The following NRG3 variants were observed in gnomAD, a reference collection of about 807,000 sequenced individuals.
NRG3 encodes the protein pro-neuregulin-3, membrane-bound isoform.
Under a neutral mutation model 66.9 loss-of-function variants are expected in NRG3, and 31 were observed. That is an observed-to-expected ratio of 0.46 (90% CI 0.35 to 0.63). NRG3 has a LOEUF of 0.63. Ranked by LOEUF, NRG3 falls within the 20% of genes least tolerant of loss-of-function variation. NRG3 has a pLI of 0.00. For synonymous variants in NRG3, 393 were observed against 359.4 expected (o/e 1.09, Z -1.06); for missense variants, 910 against 878.9 (o/e 1.04, Z -0.45).
chr10:82,008,142 A>T (rs1419060080), intron 1 of NRG3, among the ~76,000 whole-genome samples: 1 of 152,184 alleles, frequency 6.6e-6, no homozygotes. Context: ...CATGCATTAT[A>T]TAGAAAATTA....
intron 3 of NRG3, among the ~76,000 whole-genome samples, chr10:82,743,522 C>A (rs2058517479): frequency 6.6e-6 from 1 of 152,100 alleles, no homozygotes; most frequent in Non-Finnish European, 1.5e-5. Flanking sequence ...TGTGTTCTAG[C>A]ACCAGAGAGG....
At chr10:82,818,229 G>T (rs1390421576) in intron 3 of NRG3, among the ~76,000 whole-genome samples, 1 of 152,180 alleles carries the variant, frequency 6.6e-6, no homozygotes, top group Non-Finnish European at 1.5e-5. Flanking sequence ...AACCGTCATG[G>T]CACTGGTGGG....
At chr10:82,609,641 T>G (rs1467938633) in intron 2 of NRG3, among the ~76,000 whole-genome samples, 1 of 150,712 alleles carries the variant, frequency 6.6e-6, no homozygotes, top group African/African-American at 2.4e-5. Context: ...TTGGAAAACA[T>G]GTGTTAAACC....
chr10:81,969,424 C>A (rs988043331), intron 1 of NRG3, among the ~76,000 whole-genome samples: 4 of 152,190 alleles, frequency 2.6e-5, no homozygotes, highest in Non-Finnish European at 4.4e-5. Flanking sequence ...CTGACACAAC[C>A]ACATCTGGCT....
chr10:82,119,415 C>A (rs1483295932), intron 1 of NRG3, among the ~76,000 whole-genome samples: 1 of 152,066 alleles, frequency 6.6e-6, no homozygotes, highest in Non-Finnish European at 1.5e-5. Flanking sequence ...GTTTTATCTG[C>A]CTTGCTCATT....
chr10:81,899,816 T>C (rs1352086666), intron 1 of NRG3, among the ~76,000 whole-genome samples: 3 of 152,240 alleles, frequency 2.0e-5, no homozygotes, highest in Middle Eastern at 3.4e-3. Flanking sequence ...CTCTGATAGT[T>C]GAATGTTTGT....
chr10:82,493,325 C>T (rs941777628), intron 2 of NRG3, among the ~76,000 whole-genome samples: 4 of 152,066 alleles, frequency 2.6e-5, no homozygotes, highest in African/African-American at 9.7e-5. Context: ...GTTCCTCTCC[C>T]TGTGTCTATG....
intron 1 of NRG3, among the ~76,000 whole-genome samples, chr10:81,894,457 G>A (rs569146004): frequency 2.3e-4 from 35 of 152,300 alleles, no homozygotes; most frequent in African/African-American, 8.4e-4. Context: ...TTGGCTTGCA[G>A]ATGGCCACCT....
rs58870828 is a variant in NRG3, at chr10:82,660,196, C to CAAAAA, written c.954-78346_954-78342dup. Among the ~76,000 whole-genome samples the CAAAAA allele has an allele frequency of 8.0e-3, 156 of 19,552 alleles. 15 individuals are homozygous for CAAAAA. The highest frequency in any genetic ancestry group is 0.011 in the Non-Finnish European group (118 of 10,360). 12.8% of individuals were successfully genotyped at this position (19,552 alleles called of 152,430 possible). A position where few individuals can be genotyped will look rare whatever the true frequency, so the allele number is the denominator to read the frequency against. ...GGGCGACAAGAGCAAAACTCCCTCT[C>CAAAAA]AAAAAAAAAAAAAAAAAAAAAAAAA... On this transcript the variant is annotated intron_variant, in intron 2 of 8. Transcript: ENST00000372141.
chr10:82,398,779 C>A (rs2086891709), intron 2 of NRG3, among the ~76,000 whole-genome samples: 1 of 151,932 alleles, frequency 6.6e-6, no homozygotes, highest in Non-Finnish European at 1.5e-5. Flanking sequence ...ATGGTAGTAC[C>A]AAAAATTCCG....
At chr10:81,928,519 T>C (rs1310994618) in intron 1 of NRG3, among the ~76,000 whole-genome samples, 1 of 152,240 alleles carries the variant, frequency 6.6e-6, no homozygotes, top group Non-Finnish European at 1.5e-5. Context: ...GAGTGCTTTA[T>C]TTTAAAACAT....
At chr10:82,372,145 C>T (rs1018563241) in intron 2 of NRG3, among the ~76,000 whole-genome samples, 1 of 152,168 alleles carries the variant, frequency 6.6e-6, no homozygotes, top group African/African-American at 2.4e-5. Context: ...TTTTATTTCT[C>T]ATTTGGAAGC....
chr10:82,255,960 G>A (rs1440217572), intron 1 of NRG3, among the ~76,000 whole-genome samples: 2 of 151,766 alleles, frequency 1.3e-5, no homozygotes, highest in African/African-American at 4.8e-5. Flanking sequence ...GTCTCGCTCT[G>A]TCACCCAGGC....
intron 2 of NRG3, among the ~76,000 whole-genome samples, chr10:82,382,996 T>C (rs763306031): frequency 7.2e-5 from 11 of 152,012 alleles, no homozygotes; most frequent in Admixed American, 2.0e-4. Context: ...GCCTAATTCT[T>C]ATTAAAGCTT....
Position 82,936,464 on chromosome 10 carries a change from G to A in NRG3, c.1055-15005G>A, listed in dbSNP as rs145369610. On this transcript the variant is annotated intron_variant, in intron 4 of 8. Coordinates refer to ENST00000372141, the MANE Select transcript of NRG3 (RefSeq NM_001010848.4). ...AGGCCATAGGGTTTAGGGGGAAGAT[G>A]GGGTCGGGGAGATGTTGGTCAAATA... is the stretch of plus-strand genomic sequence containing the variant. Among the ~76,000 whole-genome samples, 16 of 152,270 alleles carry A rather than the reference G, an allele frequency of 1.1e-4. No homozygotes were observed. The East Asian group carries it at 2.9e-3, about 28-fold the overall frequency.
At chr10:81,877,922 A>C in intron 1 of NRG3, 1 of 1,537,236 alleles carries the variant, frequency 6.5e-7, no homozygotes, top group Non-Finnish European at 8.7e-7. Flanking sequence ...TGAAGACCCC[A>C]GATTTTTGAT....
chr10:82,855,173 C>T (rs990332289), intron 3 of NRG3, among the ~76,000 whole-genome samples: 2 of 151,928 alleles, frequency 1.3e-5, no homozygotes, highest in African/African-American at 2.4e-5. Context: ...AAGTGGTATT[C>T]GTCATGATGA....
intron 1 of NRG3, chr10:82,232,342 G>C (rs1260322549): frequency 6.3e-6 from 1 of 158,110 alleles, no homozygotes; most frequent in Non-Finnish European, 1.4e-5. Context: ...TTGCTTATCA[G>C]AGACTTGGAA....
chr10:82,985,352 G>C lies in NRG3; in HGVS notation c.1838G>C (p.Ser613Thr), dbSNP rs764232213. 4 of 1,614,036 alleles carry C rather than the reference G, an allele frequency of 2.5e-6. No homozygotes were observed. The highest frequency in any genetic ancestry group is 3.4e-6 in the Non-Finnish European group (4 of 1,180,028). Residue 613 changes from serine to threonine, a missense_variant, in exon 9 of 9, where the codon AGT becomes ACT. By Grantham distance (58) the Ser-to-Thr change is moderately conservative. Coordinates refer to ENST00000372141, the MANE Select transcript of NRG3 (RefSeq NM_001010848.4). Reference protein sequence around the residue: ...NSYSADVVNVSIPVSDCLIAE... With the variant: ...NSYSADVVNVTIPVSDCLIAE... ...TATTCAGCTGACGTTGTCAATGTGA[G>C]TATTCCAGTCAGCGATTGTCTTATA...
Sources: allele counts gnomAD v4.1 joint callset (sites outside exome capture counted in the v4.1 genomes callset), GRCh38; gene constraint gnomAD v4.1.1; transcripts MANE v1.5; gene names NCBI Gene and HGNC (gene_info 2026-07-23, HGNC 2026-07-21).